Variants in NHSL1 observed in about 807,000 individuals in gnomAD.
NHSL1 encodes the protein NHS like 1.
Under a neutral mutation model 95.0 loss-of-function variants are expected in NHSL1, and 48 were observed. That is an observed-to-expected ratio of 0.51 (90% CI 0.40 to 0.64). The LOEUF (loss-of-function observed/expected upper bound fraction) is 0.64. Among genes scored for constraint, NHSL1 ranks in the 30% least tolerant of loss-of-function variants. The pLI, the probability that NHSL1 is intolerant of heterozygous loss-of-function variation, is 0.00. For missense variants in NHSL1, 1,971 were observed against 2,077.7 expected, an observed-to-expected ratio of 0.95 and a Z score of 1.00; for synonymous variants, 783 against 833.9, an observed-to-expected ratio of 0.94 and a Z score of 1.05.
At chr6:138,666,338 C>T (rs1212628097) in intron 1 of NHSL1, among the ~76,000 whole-genome samples, 1 of 152,052 alleles carries the variant, frequency 6.6e-6, no homozygotes, top group Non-Finnish European at 1.5e-5. Context: ...CGGTGGCTCC[C>T]GCCTGTAATC....
chr6:138,439,940 A>C (rs868430062), intron 5 of NHSL1, among the ~76,000 whole-genome samples: 2 of 152,242 alleles, frequency 1.3e-5, no homozygotes, highest in South Asian at 4.1e-4. Context: ...ACATTCTAGT[A>C]AGATCAAAGA....
At chr6:138,495,434 A>G (rs1780292318) in intron 2 of NHSL1, among the ~76,000 whole-genome samples, 1 of 152,236 alleles carries the variant, frequency 6.6e-6, no homozygotes, top group Non-Finnish European at 1.5e-5. Flanking sequence ...CATGTCTTCA[A>G]AGTCTATACA....
chr6:138,542,598 A>T (rs949724335), intron 1 of NHSL1, among the ~76,000 whole-genome samples: 1 of 152,246 alleles, frequency 6.6e-6, no homozygotes, highest in African/African-American at 2.4e-5. Flanking sequence ...TCTTTTAAAA[A>T]GTCTTCACCG....
intron 3 of NHSL1, among the ~76,000 whole-genome samples, chr6:138,467,163 A>T (rs1352593151): frequency 6.6e-6 from 1 of 151,444 alleles, no homozygotes; most frequent in African/African-American, 2.4e-5. Flanking sequence ...TTATATATAT[A>T]TATTTTTTTG....
chr6:138,663,071 A>AAAAAAAAG (rs767343059), intron 1 of NHSL1, among the ~76,000 whole-genome samples: 1 of 151,822 alleles, frequency 6.6e-6, no homozygotes, highest in African/African-American at 2.4e-5. Flanking sequence ...GCAAAAAAAA[A>AAAAAAAAG]AAGAAAAAGA....
At chr6:138,574,467 GGA>G (rs1459440150), upstream of NHSL1, among the ~76,000 whole-genome samples, 1 of 152,084 alleles carries the variant, frequency 6.6e-6, no homozygotes, top group Non-Finnish European at 1.5e-5. Context: ...AAGGAGCCAT[GGA>G]ACCCAAACAA....
At chr6:138,546,427 C>CAAAAAAAAAAAAAAAAAAAA (rs1177720465), upstream of NHSL1, among the ~76,000 whole-genome samples, 7 of 50,950 alleles carry the variant, frequency 1.4e-4, no homozygotes, top group African/African-American at 4.4e-4. Context: ...CCCATCTCTA[C>CAAAAAAAAAAAAAAAAAAAA]AAAAAAAAAA....
chr6:138,448,448 A>T (rs1187523076), intron 3 of NHSL1, among the ~76,000 whole-genome samples: 1 of 152,216 alleles, frequency 6.6e-6, no homozygotes, highest in Non-Finnish European at 1.5e-5. Flanking sequence ...GAGAATAAAA[A>T]GTCAGTGAAC....
At chr6:138,502,341 C>T (rs967709870), upstream of NHSL1, among the ~76,000 whole-genome samples, 6 of 152,140 alleles carry the variant, frequency 3.9e-5, no homozygotes, top group Admixed American at 2.6e-4. Context: ...AATCTGCATG[C>T]CTCAATGCTG....
intron 1 of NHSL1, among the ~76,000 whole-genome samples, chr6:138,595,068 C>G (rs969382746): frequency 6.6e-6 from 1 of 152,370 alleles, no homozygotes; most frequent in Admixed American, 6.5e-5. Context: ...TCCCACTATG[C>G]TGAAGCCAAG....
In NHSL1 at chr6:138,639,676, C is replaced by T. The variant is rs1274109613; in HGVS notation, c.96+52800G>A. On this transcript the variant is annotated intron_variant, in intron 1 of 3. Coordinates refer to the NHSL1 transcript ENST00000491526. ...AAAAAATTAGCTGGGCGTGGTGGCA[C>T]GCACTTGTAGTCCCAGCTACTTGAG... Among the ~76,000 whole-genome samples the T allele has an allele frequency of 4.0e-5, 6 of 150,296 alleles. No homozygotes were observed. The East Asian group carries it at 7.8e-4, about 19-fold the overall frequency.
chr6:138,431,916 TTCCCAGTGGGCA>T lies in NHSL1; in HGVS notation c.2417_2428del (p.Val806_Asn810delinsAsp). 1 of 1,551,738 alleles carries T rather than the reference TTCCCAGTGGGCA, an allele frequency of 6.4e-7. No individual in the cohort carries two copies. The highest frequency in any genetic ancestry group is 8.7e-7 in the Non-Finnish European group (1 of 1,146,994). ...TTCTTGGACATGGCGGACTGGCCCGTTCCCAGTGGGCACCCCACTGCTGGTTGAACAGCCCCC... is the reference window on the plus strand; with the variant it reads ...TTCTTGGACATGGCGGACTGGCCCGTCCCCACTGCTGGTTGAACAGCCCCC... On this transcript the variant is annotated inframe_deletion, in exon 6 of 8. Transcript: ENST00000343505. This position sits in a 1 kb window ranked among gnomAD's most constrained non-coding sequence, Gnocchi z 4.0.
chr6:138,602,101 AT>A (rs1180450238), intron 1 of NHSL1, among the ~76,000 whole-genome samples: 1 of 152,176 alleles, frequency 6.6e-6, no homozygotes, highest in African/African-American at 2.4e-5. Flanking sequence ...TAAGCTTGTT[AT>A]TTTGATATCA....
chr6:138,612,109 CAA>C (rs368848438), intron 1 of NHSL1, among the ~76,000 whole-genome samples: 7 of 73,480 alleles, frequency 9.5e-5, no homozygotes, highest in Non-Finnish European at 5.4e-5. Context: ...GACTCCATCT[CAA>C]AAAAAAAAAA....
intron 1 of NHSL1, among the ~76,000 whole-genome samples, chr6:138,554,983 C>T (rs936706069): frequency 6.6e-6 from 1 of 152,164 alleles, no homozygotes; most frequent in African/African-American, 2.4e-5. Context: ...AGCATTTAGG[C>T]TCCTTCAGTC....
chr6:138,539,856 AT>A (rs1782512553), intron 1 of NHSL1, among the ~76,000 whole-genome samples: 1 of 152,228 alleles, frequency 6.6e-6, no homozygotes, highest in Admixed American at 6.5e-5. Flanking sequence ...ATCTCAATTT[AT>A]AGTATTACAC....
chr6:138,499,385 C>G lies in NHSL1; in HGVS notation c.-95G>C. 6.6e-7 allele frequency: 1 copy of G among 1,510,308 alleles called. No homozygotes were observed. Among genetic ancestry groups the G allele is most frequent in the South Asian group, 1.2e-5 (1 of 80,224 alleles). The allele number at this position is 1,510,308 out of a possible 1,614,324, so 93.6% of individuals were successfully genotyped here. On this transcript the variant is annotated 5_prime_UTR_variant, in exon 1 of 8. Coordinates refer to ENST00000343505, the MANE Select transcript of NHSL1 (RefSeq NM_001144060.2). Reference sequence around the variant, plus strand: ...AAGCTTCGTCCTTCTGCTACAGATTCTAACTTTTTCTTCCCCCGGTCTCAT... The same window carrying G: ...AAGCTTCGTCCTTCTGCTACAGATTGTAACTTTTTCTTCCCCCGGTCTCAT...
chr6:138,453,689 G>A (rs1015832372), intron 3 of NHSL1, among the ~76,000 whole-genome samples: 2 of 151,258 alleles, frequency 1.3e-5, no homozygotes, highest in Non-Finnish European at 2.9e-5. Context: ...TAGGATGACC[G>A]GCACAAGCCA....
chr6:138,611,979 G>A (rs897603794), intron 1 of NHSL1, among the ~76,000 whole-genome samples: 1 of 151,080 alleles, frequency 6.6e-6, no homozygotes, highest in South Asian at 2.1e-4. Context: ...GCGTGGTGAT[G>A]GCCACCTGTA....
Sources: allele counts gnomAD v4.1 joint callset (sites outside exome capture counted in the v4.1 genomes callset), GRCh38; gene constraint gnomAD v4.1.1; non-coding constraint Gnocchi (gnomAD v3.1); transcripts MANE v1.5; gene names NCBI Gene and HGNC (gene_info 2026-07-23, HGNC 2026-07-21).